PALM2AKAP2: variants seen among roughly 807,000 people sequenced by gnomAD.
PALM2AKAP2 encodes the protein PALM2-AKAP2 fusion protein.
In PALM2AKAP2, 37 loss-of-function variants were observed where a neutral mutation model predicts 71.5. The observed-to-expected ratio is 0.52, with a 90% CI of 0.40 to 0.68. The LOEUF (loss-of-function observed/expected upper bound fraction) is 0.68. PALM2AKAP2 is among the 30% of genes least tolerant of loss of function. The pLI is 0.00. For missense variants in PALM2AKAP2, 1,224 were observed against 1,191.8 expected (o/e 1.03, Z -0.40); for synonymous variants, 468 against 478.8 (o/e 0.98, Z 0.29).
chr9:110,160,242 T>C (rs1247430182), intron 3 of PALM2AKAP2, among the ~76,000 whole-genome samples: 2 of 152,222 alleles, frequency 1.3e-5, no homozygotes, highest in Non-Finnish European at 2.9e-5. Flanking sequence ...ATTCATCCCT[T>C]TAGTCTGATG....
chr9:110,052,452 A>G (rs572399463), intron 1 of PALM2AKAP2, among the ~76,000 whole-genome samples: 39 of 152,318 alleles, frequency 2.6e-4, no homozygotes, highest in African/African-American at 7.5e-4. Context: ...ACTGTTCACA[A>G]TTTGGACATT....
chr9:109,963,269 C>T (rs1472541640), intron 6 of PALM2AKAP2, among the ~76,000 whole-genome samples: 1 of 152,154 alleles, frequency 6.6e-6, no homozygotes, highest in Non-Finnish European at 1.5e-5. Flanking sequence ...AAAGAAGTGG[C>T]TGTATGCCAG....
chr9:109,787,861 G>T (rs1167738989), intron 1 of PALM2AKAP2, among the ~76,000 whole-genome samples: 1 of 152,170 alleles, frequency 6.6e-6, no homozygotes, highest in Non-Finnish European at 1.5e-5. Flanking sequence ...ACAGAGCTTT[G>T]AACTTTACAG....
At chr9:110,140,733 C>T (rs1462388075) in intron 2 of PALM2AKAP2, among the ~76,000 whole-genome samples, 2 of 152,212 alleles carry the variant, frequency 1.3e-5, no homozygotes, top group African/African-American at 2.4e-5. Flanking sequence ...CCTCACCAAA[C>T]TTGGGCTCCG....
At chr9:109,717,178 G>T (rs542856110) in intron 1 of PALM2AKAP2, among the ~76,000 whole-genome samples, 3 of 151,986 alleles carry the variant, frequency 2.0e-5, no homozygotes, top group Non-Finnish European at 4.4e-5. Context: ...GAAGATGAAG[G>T]CTGGAGAAGG....
intron 1 of PALM2AKAP2, among the ~76,000 whole-genome samples, chr9:109,696,542 A>T (rs1827973164): frequency 2.0e-5 from 3 of 152,218 alleles, no homozygotes; most frequent in African/African-American, 4.8e-5. Flanking sequence ...AGAATTTTAA[A>T]GTTTATAGCT....
intron 1 of PALM2AKAP2, among the ~76,000 whole-genome samples, chr9:109,699,058 C>T (rs1463530406): frequency 1.3e-5 from 2 of 152,156 alleles, no homozygotes; most frequent in East Asian, 3.8e-4. Flanking sequence ...AACTTGATTG[C>T]AGCACATAGG....
intron 1 of PALM2AKAP2, among the ~76,000 whole-genome samples, chr9:110,134,569 A>G (rs1835805091): frequency 6.6e-6 from 1 of 152,248 alleles, no homozygotes; most frequent in Non-Finnish European, 1.5e-5. Context: ...TGGATAACTC[A>G]GAGAGTTTTT....
intron 7 of PALM2AKAP2, among the ~76,000 whole-genome samples, chr9:110,021,812 T>C (rs1166304670): frequency 6.6e-6 from 1 of 151,550 alleles, no homozygotes; most frequent in Non-Finnish European, 1.5e-5. Context: ...CCTGCAGCAA[T>C]GTAGAAAACA....
chr9:109,945,160 A>G (rs192066761), intron 6 of PALM2AKAP2: 1 of 152,222 alleles, frequency 6.6e-6, no homozygotes, highest in Admixed American at 6.5e-5. Context: ...GGAAAGGTAA[A>G]AACATCAGTT....
intron 3 of PALM2AKAP2, among the ~76,000 whole-genome samples, chr9:109,920,327 G>A (rs574061486): frequency 6.6e-6 from 1 of 152,104 alleles, no homozygotes; most frequent in Admixed American, 6.5e-5. Context: ...CTCTTCCCAT[G>A]GAAGTAAGGG....
At chr9:109,686,735 G>A (rs1827810694) in intron 1 of PALM2AKAP2, among the ~76,000 whole-genome samples, 1 of 151,634 alleles carries the variant, frequency 6.6e-6, no homozygotes, top group Non-Finnish European at 1.5e-5. Context: ...ATGCAGGTTT[G>A]TTACATATGT....
intron 1 of PALM2AKAP2, among the ~76,000 whole-genome samples, chr9:110,097,722 G>A (rs1169447919): frequency 1.7e-4 from 25 of 144,960 alleles, no homozygotes; most frequent in Non-Finnish European, 2.7e-4. Context: ...GACGATGGGC[G>A]GCCAGGCAGA....
chr9:110,162,167 A>G (rs1401627233), intron 3 of PALM2AKAP2, 35 bp downstream of exon 10: 2 of 1,611,838 alleles, frequency 1.2e-6, no homozygotes, highest in Admixed American at 1.7e-5. Flanking sequence ...GTCTTACTGA[A>G]TGCATGATCC....
intron 1 of PALM2AKAP2, among the ~76,000 whole-genome samples, chr9:110,109,318 CAAAAAA>C (rs542467637): frequency 2.5e-5 from 2 of 79,644 alleles, no homozygotes; most frequent in East Asian, 7.5e-4. Flanking sequence ...TCTTTGTCTC[CAAAAAA>C]AAAAAAAAAA....
intron 6 of PALM2AKAP2, chr9:109,944,856 G>T (rs964934000): frequency 1.3e-5 from 2 of 152,094 alleles, no homozygotes; most frequent in African/African-American, 4.8e-5. Context: ...ATGAAATAAA[G>T]ATATAACATG....
At chr9:110,138,601 C>G (rs74612901) in intron 2 of PALM2AKAP2, 62 bp downstream of exon 8, 29,585 of 1,480,884 alleles carry the variant, frequency 0.02, 378 homozygotes, top group Middle Eastern at 0.042. Flanking sequence ...TTGATTCCAG[C>G]TCATGGGTTT....
At chr9:109,878,899 G>A (rs1829778136) in intron 2 of PALM2AKAP2, among the ~76,000 whole-genome samples, 2 of 152,056 alleles carry the variant, frequency 1.3e-5, no homozygotes, top group South Asian at 4.1e-4. Context: ...CATCACACCT[G>A]GTTAATTTTG....
At chr9:109,854,763 CTT>C (rs34401582) in intron 1 of PALM2AKAP2, among the ~76,000 whole-genome samples, 112 of 66,172 alleles carry the variant, frequency 1.7e-3, no homozygotes, top group African/African-American at 6.8e-3. Context: ...AAGAATGTAT[CTT>C]TTTTTTTTTT....
Sources: allele counts gnomAD v4.1 joint callset (sites outside exome capture counted in the v4.1 genomes callset), GRCh38; gene constraint gnomAD v4.1.1; transcripts MANE v1.5; gene names NCBI Gene and HGNC (gene_info 2026-07-23, HGNC 2026-07-21).